PDE4D: variants seen among roughly 807,000 people sequenced by gnomAD.
The protein encoded by PDE4D is 3',5'-cyclic-AMP phosphodiesterase 4D.
In PDE4D, 24 loss-of-function variants were observed where a neutral mutation model predicts 87.4. The ratio of observed to expected loss-of-function variants is 0.27; its 90% CI spans 0.20 to 0.39. PDE4D has a LOEUF of 0.39. PDE4D is among the 10% of genes least tolerant of loss of function. The pLI is 1.00. For synonymous variants in PDE4D, 384 were observed against 383.2 expected, an observed-to-expected ratio of 1.00 and a Z score of -0.02; for missense variants, 714 against 1,041.0, an observed-to-expected ratio of 0.69 and a Z score of 4.32.
intron 5 of PDE4D, among the ~76,000 whole-genome samples, chr5:59,068,644 C>T (rs1032203080): frequency 1.3e-5 from 2 of 152,116 alleles, no homozygotes; most frequent in African/African-American, 4.8e-5. Flanking sequence ...TGAAGGCAGT[C>T]CACTGAGGAA....
At chr5:59,519,471 G>C (rs1230008606) in intron 1 of PDE4D, among the ~76,000 whole-genome samples, 1 of 152,216 alleles carries the variant, frequency 6.6e-6, no homozygotes, top group Non-Finnish European at 1.5e-5. Flanking sequence ...CCAGCACTGG[G>C]AACAGGTAGT....
At chr5:59,253,705 T>C (rs1760428649) in intron 1 of PDE4D, among the ~76,000 whole-genome samples, 2 of 152,178 alleles carry the variant, frequency 1.3e-5, no homozygotes, top group South Asian at 4.1e-4. Flanking sequence ...CTTAATGTAC[T>C]TTTAGGCAAA....
intron 2 of PDE4D, among the ~76,000 whole-genome samples, chr5:60,024,963 A>G (rs2152855245): frequency 6.6e-6 from 1 of 152,260 alleles, no homozygotes; most frequent in Middle Eastern, 3.4e-3. Context: ...AGGAAGGTAG[A>G]ACTCCTGGCA....
intron 1 of PDE4D, among the ~76,000 whole-genome samples, chr5:59,839,312 ATATTTAATTGGCTCATCCCAAGTTATC>A (rs898737665): frequency 6.6e-6 from 1 of 151,892 alleles, no homozygotes; most frequent in Non-Finnish European, 1.5e-5. Context: ...GAGAAGACCA[ATATTTAATTGGCTCATCCCAAGTTATC>A]TACCAACAGT....
intron 1 of PDE4D, among the ~76,000 whole-genome samples, chr5:59,832,121 C>T (rs985008881): frequency 6.6e-6 from 1 of 152,054 alleles, no homozygotes; most frequent in Non-Finnish European, 1.5e-5. Context: ...AGGAAAAGTG[C>T]GGGATCGAAA....
intron 1 of PDE4D, among the ~76,000 whole-genome samples, chr5:59,354,004 C>A (rs1169543300): frequency 6.6e-6 from 1 of 152,106 alleles, no homozygotes; most frequent in Non-Finnish European, 1.5e-5. Context: ...ATCTTGTACA[C>A]CTGGCTTTCC....
rs79074642 is a variant in PDE4D at position 60,017,025 on chromosome 5, C to T, written c.43-28308G>A. On this transcript the variant is annotated intron_variant, in intron 2 of 16. Transcript: ENST00000502484. ...TATGACTTGAAAGTCAAAATGACTCCTAGATCCATTGATTGCAGAATGAAT... is the reference window on the plus strand; with the variant it reads ...TATGACTTGAAAGTCAAAATGACTCTTAGATCCATTGATTGCAGAATGAAT... Among the ~76,000 whole-genome samples, 1,070 of 152,280 alleles carry T rather than the reference C, an allele frequency of 7.0e-3. 10 individuals are homozygous for T. Among genetic ancestry groups the T allele is most frequent in the African/African-American group, 0.024 (1,017 of 41,566 alleles).
intron 1 of PDE4D, among the ~76,000 whole-genome samples, chr5:60,283,274 A>C (rs1752113538): frequency 6.6e-6 from 1 of 152,052 alleles, no homozygotes; most frequent in Admixed American, 6.6e-5. Context: ...TTATTTTGTC[A>C]TAGATATTTT....
chr5:59,538,310 A>ATT (rs1417120939), intron 1 of PDE4D, among the ~76,000 whole-genome samples: 87 of 152,226 alleles, frequency 5.7e-4, no homozygotes, highest in African/African-American at 2.0e-3. Context: ...GGCCTAAGGG[A>ATT]TTGCATTTTC....
At position 59,371,650 on chromosome 5, in the gene PDE4D, A is replaced by G. The variant is rs578081057; in HGVS notation, c.456-155682T>C. ...GATTGGAAGTGAACCTACTATAGAT[A>G]TGAAAAGCTCATATTCATTCTTCTT... On this transcript the variant is annotated intron_variant, in intron 1 of 14. Transcript: ENST00000340635. Among the ~76,000 whole-genome samples the G allele has an allele frequency of 2.0e-5, 3 of 152,338 alleles. No individual in the cohort carries two copies. In the South Asian group the frequency reaches 6.2e-4, roughly 32 times the overall value.
intron 3 of PDE4D, among the ~76,000 whole-genome samples, chr5:59,956,067 C>T (rs904485490): frequency 6.6e-6 from 1 of 152,136 alleles, no homozygotes; most frequent in Non-Finnish European, 1.5e-5. Context: ...GATGGAAAGG[C>T]AATTGATCGG....
chr5:59,004,844 C>T (rs1212765086), intron 6 of PDE4D, among the ~76,000 whole-genome samples: 2 of 152,202 alleles, frequency 1.3e-5, no homozygotes, highest in African/African-American at 4.8e-5. Context: ...AGGAGTACTC[C>T]CCAGTCACTG....
chr5:59,538,765 T>C (rs960515538), intron 1 of PDE4D, among the ~76,000 whole-genome samples: 1 of 152,172 alleles, frequency 6.6e-6, no homozygotes, highest in African/African-American at 2.4e-5. Flanking sequence ...CCTGTTATTT[T>C]CTCTTCCTTG....
chr5:60,418,287 G>A (rs1010304695), intron 1 of PDE4D, among the ~76,000 whole-genome samples: 3 of 152,154 alleles, frequency 2.0e-5, no homozygotes, highest in African/African-American at 7.2e-5. Context: ...TTGGGAACAG[G>A]CTAGCATATG....
intron 1 of PDE4D, among the ~76,000 whole-genome samples, chr5:59,581,500 A>AT (rs1048400105): frequency 1.3e-5 from 2 of 152,056 alleles, no homozygotes; most frequent in Non-Finnish European, 2.9e-5. Flanking sequence ...ATAATTTCTT[A>AT]TTTTTTTCCT....
At chr5:59,849,525 C>T (rs781185086) in intron 1 of PDE4D, among the ~76,000 whole-genome samples, 1 of 151,834 alleles carries the variant, frequency 6.6e-6, no homozygotes, top group African/African-American at 2.4e-5. Flanking sequence ...GTGAGCTGCA[C>T]TCATCTCTAT....
intron 1 of PDE4D, among the ~76,000 whole-genome samples, chr5:60,313,195 G>GA (rs915578049): frequency 0.019 from 2,762 of 149,074 alleles, 97 homozygotes; most frequent in African/African-American, 0.064. Flanking sequence ...GACAAACAAA[G>GA]AAAAAAAAAG....
chr5:59,669,661 A>C (rs760771960), intron 1 of PDE4D, among the ~76,000 whole-genome samples: 4 of 152,194 alleles, frequency 2.6e-5, no homozygotes, highest in Non-Finnish European at 4.4e-5. Context: ...ATTTCCTTCC[A>C]GCACCTGAAA....
chr5:59,496,437 G>A (rs1489948734), intron 1 of PDE4D, among the ~76,000 whole-genome samples: 2 of 152,134 alleles, frequency 1.3e-5, no homozygotes, highest in African/African-American at 4.8e-5. Flanking sequence ...GCCTGGGGGT[G>A]GAGCCCTCGC....
Sources: gnomAD v4.1 joint callset for allele counts (sites outside exome capture counted in the v4.1 genomes callset) on GRCh38, gnomAD v4.1.1 for gene constraint, MANE v1.5 for transcripts, NCBI Gene and HGNC (gene_info 2026-07-23, HGNC 2026-07-21) for gene names.